Variants in EPM2A observed in about 807,000 individuals in gnomAD.
The protein encoded by EPM2A is EPM2A glucan phosphatase, laforin.
Under a neutral mutation model 26.5 loss-of-function variants are expected in EPM2A, and 21 were observed. The ratio of observed to expected loss-of-function variants is 0.79; its 90% CI spans 0.56 to 1.14. The LOEUF (loss-of-function observed/expected upper bound fraction) is 1.14, where lower values mean the gene tolerates loss of function less well. Among genes scored for constraint, EPM2A ranks in the 50% most tolerant of loss-of-function variants. EPM2A has a pLI of 0.00. For missense variants in EPM2A, 458 were observed against 440.8 expected (o/e 1.04, Z -0.35); for synonymous variants, 217 against 177.6 (o/e 1.22, Z -1.76).
intron 1 of EPM2A, among the ~76,000 whole-genome samples, chr6:145,719,810 C>T (rs1775855790): frequency 6.6e-6 from 1 of 152,070 alleles, no homozygotes; most frequent in Non-Finnish European, 1.5e-5. Context: ...CCAAGTTCTT[C>T]CATGAGTTGA....
chr6:145,516,194 T>C (rs1218555462), intron 2 of EPM2A, among the ~76,000 whole-genome samples: 1 of 152,130 alleles, frequency 6.6e-6, no homozygotes, highest in Non-Finnish European at 1.5e-5. Flanking sequence ...TAACTCAACA[T>C]ATGGATAGAA....
chr6:145,685,971 T>A lies in EPM2A; in HGVS notation c.476+151A>T, dbSNP rs9497394. ...TCTAGACCCAGAAAATCTCACACACTGATTCACTGTAATTTTCTCCTCAAA... is the reference window on the plus strand; with the variant it reads ...TCTAGACCCAGAAAATCTCACACACAGATTCACTGTAATTTTCTCCTCAAA... On this transcript the variant is annotated intron_variant, in intron 2 of 3. Transcript: ENST00000367519. The A allele has an allele frequency of 1.7e-3, 1,207 of 705,664 alleles. 9 individuals carry two copies. In the African/African-American group the frequency reaches 0.019, roughly 11 times the overall value. The allele number at this position is 705,664 out of a possible 1,614,324, so 43.7% of individuals were successfully genotyped here.
intron 2 of EPM2A, among the ~76,000 whole-genome samples, chr6:145,532,004 T>A (rs1327132423): frequency 6.6e-6 from 1 of 152,166 alleles, no homozygotes; most frequent in Non-Finnish European, 1.5e-5. Flanking sequence ...CCAGTGGGGT[T>A]CCTTAGTAAC....
At chr6:145,462,010 A>G (rs780727321) in intron 4 of EPM2A, among the ~76,000 whole-genome samples, 2 of 152,198 alleles carry the variant, frequency 1.3e-5, no homozygotes, top group African/African-American at 4.8e-5. Flanking sequence ...TTCGAATCCC[A>G]GTTCTGCTCC....
intron 4 of EPM2A, among the ~76,000 whole-genome samples, chr6:145,396,279 G>A (rs910015025): frequency 5.3e-5 from 8 of 152,054 alleles, no homozygotes; most frequent in East Asian, 3.9e-4. Context: ...CCTTCTTCCC[G>A]GGCTCCTTCC....
chr6:145,506,087 T>C (rs1779968743), intron 2 of EPM2A, among the ~76,000 whole-genome samples: 1 of 152,210 alleles, frequency 6.6e-6, no homozygotes, highest in South Asian at 2.1e-4. Flanking sequence ...ATTGGTAATC[T>C]ACTGTCAAGA....
chr6:145,731,617 G>T (rs1321124507), intron 1 of EPM2A, among the ~76,000 whole-genome samples: 2 of 152,146 alleles, frequency 1.3e-5, no homozygotes, highest in Non-Finnish European at 2.9e-5. Context: ...ACACACCAAG[G>T]CCTGTTGGTG....
At position 145,391,295 on chromosome 6, in the gene EPM2A, C is replaced by A. The variant is rs184160609; in HGVS notation, c.556-7198G>T. On this transcript the variant is annotated intron_variant, in intron 4 of 4. Transcript: ENST00000638717. ...GCCTGACACTGCCCCTCCCTTTTTG[C>A]AGTTTCAATACAGCAGCTGACAGAC... is the stretch of plus-strand genomic sequence containing the variant. Among the ~76,000 whole-genome samples, 5 of 152,232 alleles carry A rather than the reference C, an allele frequency of 3.3e-5. No homozygotes were observed. The East Asian group carries it at 9.7e-4, about 29-fold the overall frequency.
intron 2 of EPM2A, among the ~76,000 whole-genome samples, chr6:145,667,931 G>A (rs1249900985): frequency 2.7e-5 from 4 of 149,428 alleles, no homozygotes; most frequent in Admixed American, 6.7e-5. Context: ...ACCAAACACC[G>A]TATATTCTCA....
intron 2 of EPM2A, among the ~76,000 whole-genome samples, chr6:145,684,361 C>T (rs1057325592): frequency 6.6e-6 from 1 of 152,066 alleles, no homozygotes; most frequent in Non-Finnish European, 1.5e-5. Flanking sequence ...CAAGATATGA[C>T]TCTTCAGAAA....
In EPM2A at chr6:145,627,082, G is replaced by A. The variant is rs917833583; in HGVS notation, c.*334C>T. ...CAGTGCAACAGGAAAGTGCTGTCAC[G>A]GATCCATCGTGCAACACATACAGTG... On this transcript the variant is annotated 3_prime_UTR_variant, in exon 4 of 4. Coordinates refer to ENST00000367519, the MANE Select transcript of EPM2A (RefSeq NM_005670.4). The A allele has an allele frequency of 1.3e-4, 153 of 1,212,752 alleles. No individual in the cohort carries two copies. The highest frequency in any genetic ancestry group is 1.5e-4 in the Non-Finnish European group (142 of 964,586). 75.1% of individuals were successfully genotyped at this position (1,212,752 alleles called of 1,614,324 possible). A position where few individuals can be genotyped will look rare whatever the true frequency, so the allele number is the denominator to read the frequency against.
At chr6:145,485,029 G>A (rs1329007774) in intron 4 of EPM2A, among the ~76,000 whole-genome samples, 1 of 149,406 alleles carries the variant, frequency 6.7e-6, no homozygotes, top group Non-Finnish European at 1.5e-5. Flanking sequence ...CTAACATTGA[G>A]GAGTGAGGTA....
intron 1 of EPM2A, among the ~76,000 whole-genome samples, chr6:145,699,747 GA>G: frequency 6.6e-6 from 1 of 152,278 alleles, no homozygotes; most frequent in East Asian, 1.9e-4. Context: ...TCATGACTTG[GA>G]AAGTGAAGAA....
intron 2 of EPM2A, among the ~76,000 whole-genome samples, chr6:145,517,574 A>T (rs1175490693): frequency 6.6e-6 from 1 of 152,198 alleles, no homozygotes; most frequent in Non-Finnish European, 1.5e-5. Flanking sequence ...CGAAAGGCAT[A>T]ATGTAAGAAC....
chr6:145,407,645 A>G (rs544702441), intron 4 of EPM2A, among the ~76,000 whole-genome samples: 2 of 152,290 alleles, frequency 1.3e-5, no homozygotes, highest in Admixed American at 6.5e-5. Context: ...CAAAGTTATG[A>G]GTCTAAAAGT....
chr6:145,407,069 G>C (rs759833060), intron 4 of EPM2A, among the ~76,000 whole-genome samples: 10 of 152,086 alleles, frequency 6.6e-5, no homozygotes, highest in Admixed American at 2.6e-4. Context: ...GATGCTGACC[G>C]TGCGATCCCC....
chr6:145,405,981 TAC>T (rs56700058), intron 4 of EPM2A, among the ~76,000 whole-genome samples: 54,404 of 146,400 alleles, frequency 0.37, 10,547 homozygotes, highest in East Asian at 0.69. Flanking sequence ...TGGAGATACC[TAC>T]ACACACACAC....
At chr6:145,518,862 C>T (rs969430743) in intron 2 of EPM2A, among the ~76,000 whole-genome samples, 3 of 152,232 alleles carry the variant, frequency 2.0e-5, no homozygotes, top group Non-Finnish European at 4.4e-5. Flanking sequence ...TCTATGGAAA[C>T]ATATATGGTG....
downstream of EPM2A, among the ~76,000 whole-genome samples, chr6:145,622,198 C>T (rs899295531): frequency 2.0e-5 from 3 of 152,100 alleles, no homozygotes; most frequent in East Asian, 3.8e-4. Context: ...AACAACAGTA[C>T]AGGAATTCAT....
Sources: allele counts gnomAD v4.1 joint callset (sites outside exome capture counted in the v4.1 genomes callset), GRCh38; gene constraint gnomAD v4.1.1; transcripts MANE v1.5; gene names NCBI Gene and HGNC (gene_info 2026-07-23, HGNC 2026-07-21).